ZNF510: variants seen among roughly 807,000 people sequenced by gnomAD.
The protein encoded by ZNF510 is zinc finger protein 510.
Under a neutral mutation model 18.1 loss-of-function variants are expected in ZNF510, and 15 were observed. That is an observed-to-expected ratio of 0.83 (90% CI 0.55 to 1.28). ZNF510 has a LOEUF of 1.28. Among genes scored for constraint, ZNF510 ranks in the 50% most tolerant of loss-of-function variants. ZNF510 has a pLI of 0.00. For missense variants in ZNF510, 724 were observed against 791.8 expected, an observed-to-expected ratio of 0.91 and a Z score of 1.03; for synonymous variants, 261 against 266.4, an observed-to-expected ratio of 0.98 and a Z score of 0.20.
intron 3 of ZNF510, among the ~76,000 whole-genome samples, chr9:96,765,196 A>C (rs980981269): frequency 4.6e-5 from 7 of 152,218 alleles, no homozygotes; most frequent in Non-Finnish European, 8.8e-5. Context: ...AGATACAACA[A>C]ATCAAAATTG....
In ZNF510 at chr9:96,759,549, T is replaced by C. The variant is rs775729306; in HGVS notation, c.1281A>G (p.Thr427=). Residue 427 remains threonine (T), a synonymous_variant, in exon 6 of 6, where the codon ACA becomes ACG. Transcript: ENST00000223428. ...GHLIQHQRTH[T]GEKPFECSEC... Reference sequence around the variant, plus strand: ...CACTACATTCAAATGGTTTCTCTCCTGTGTGAGTTCTCTGATGTTGAATGA... The same window carrying C: ...CACTACATTCAAATGGTTTCTCTCCCGTGTGAGTTCTCTGATGTTGAATGA... The C allele has an allele frequency of 5.0e-6, 8 of 1,614,060 alleles. No individual in the cohort carries two copies. In the East Asian group the frequency reaches 1.6e-4, roughly 31 times the overall value.
At chr9:96,764,173 CTTTT>C (rs796803196) in intron 3 of ZNF510, among the ~76,000 whole-genome samples, 2 of 143,188 alleles carry the variant, frequency 1.4e-5, no homozygotes, top group Non-Finnish European at 3.0e-5. Flanking sequence ...ATTACTAAAA[CTTTT>C]TTTTTATTCT....
In ZNF510 at chr9:96,759,227, G is replaced by C. The variant is rs1421167209; in HGVS notation, c.1603C>G (p.Gln535Glu). ...FGQKSNLRIHQRTHTGEKTYQ... is the reference protein window; with the variant it reads ...FGQKSNLRIHERTHTGEKTYQ... ...GTTTTCTCCCCAGTGTGAGTTCTCT[G>C]ATGTATTCTGAGGTTTGACTTCTGG... Residue 535 changes from glutamine (Q) to glutamate (E), a missense_variant, in exon 6 of 6, where the codon CAG becomes GAG. Transcript: ENST00000223428. 1 of 1,613,882 alleles carries C rather than the reference G, an allele frequency of 6.2e-7. No homozygotes were observed. Among genetic ancestry groups the C allele is most frequent in the Non-Finnish European group, 8.5e-7 (1 of 1,179,986 alleles).
intron 5 of ZNF510, among the ~76,000 whole-genome samples, chr9:96,762,311 C>G (rs1159564143): frequency 6.6e-6 from 1 of 151,162 alleles, no homozygotes; most frequent in Non-Finnish European, 1.5e-5. Context: ...AGATCAAGAC[C>G]ATCCTGGCTA....
chr9:96,758,878 C>T lies in ZNF510; in HGVS notation c.1952G>A (p.Ser651Asn). The T allele has an allele frequency of 1.2e-6, 2 of 1,614,088 alleles. No homozygotes were observed. Among genetic ancestry groups the T allele is most frequent in the Non-Finnish European group, 1.7e-6 (2 of 1,179,974 alleles). Residue 651 changes from serine (S) to asparagine (N), a missense_variant, in exon 6 of 6, where the codon AGT (serine) becomes AAT (asparagine). Ser to Asn is a conservative substitution (Grantham distance 46, BLOSUM62 1). Coordinates refer to ENST00000223428, the MANE Select transcript of ZNF510 (RefSeq NM_014930.3). ...ATTGCATTCATAAGATTTCTCCCCACTGTGAGTCCTTTGATGTATTCTGAG... is the reference window on the plus strand; with the variant it reads ...ATTGCATTCATAAGATTTCTCCCCATTGTGAGTCCTTTGATGTATTCTGAG... ...SNLRIHQRTHSGEKSYECNEY... is the reference protein window; with the variant it reads ...SNLRIHQRTHNGEKSYECNEY...
In ZNF510 at chr9:96,759,452, A is replaced by G; in HGVS notation, c.1378T>C (p.Tyr460His). 1.2e-6 allele frequency: 2 copies of G among 1,614,106 alleles called. No individual in the cohort carries two copies. Among genetic ancestry groups the G allele is most frequent in the Non-Finnish European group, 1.7e-6 (2 of 1,179,990 alleles). ...GTTTTTCCACATTCATTACATTTAT[A>G]GGGTTTTTCTGCTGTATGAATTCTC... ...HQRIHTAEKP[Y>H]KCNECGKTFV... is the part of the protein sequence containing the mutation. The change falls in exon 6 of 6, where the codon TAT (tyrosine) becomes CAT (histidine). Residue 460 changes from tyrosine to histidine, a missense_variant. Physicochemically the swap from Tyr to His is moderately conservative, Grantham distance 83. Coordinates refer to ENST00000223428, the MANE Select transcript of ZNF510 (RefSeq NM_014930.3).
intron 2 of ZNF510, among the ~76,000 whole-genome samples, chr9:96,775,467 TTAA>T (rs1397136680): frequency 6.6e-6 from 1 of 152,184 alleles, no homozygotes; most frequent in Non-Finnish European, 1.5e-5. Context: ...TAATATTCTG[TTAA>T]TATTATTTAC....
In ZNF510 at chr9:96,767,507, CCTAATTGTATACTTTAAGGAA is replaced by C. The variant is rs1266115750; in HGVS notation, c.130-3896_130-3876del. Reference sequence around the variant, plus strand: ...ATTAAAAATGATCCCAAATCAGTATCCTAATTGTATACTTTAAGGAACTAAATGAGGTGGGGACCTTACTAC... The same window carrying C: ...ATTAAAAATGATCCCAAATCAGTATCCTAAATGAGGTGGGGACCTTACTAC... On this transcript the variant is annotated intron_variant, in intron 3 of 5. Coordinates refer to ENST00000223428, the MANE Select transcript of ZNF510 (RefSeq NM_014930.3). Among the ~76,000 whole-genome samples the C allele has an allele frequency of 7.7e-4, 117 of 152,142 alleles. 1 individual carries two copies. Among genetic ancestry groups the C allele is most frequent in the African/African-American group, 2.8e-3 (117 of 41,500 alleles).
Position 96,777,736 on chromosome 9 carries a change from A to G in ZNF510, c.-177+298T>C, listed in dbSNP as rs534018922. On this transcript the variant is annotated intron_variant, in intron 1 of 5. Transcript: ENST00000223428. The stretch of plus-strand genomic sequence containing the variant: ...GCTTTGTGGCAGGTTCATGGTCAAT[A>G]CAATAAACGCGCATTCCCCTCCTGA... 4 of 152,192 alleles carry G rather than the reference A, an allele frequency of 2.6e-5. No individual in the cohort carries two copies. The South Asian group carries it at 8.3e-4, about 32-fold the overall frequency. The allele number at this position is 152,192 out of a possible 1,614,324, so 9.4% of individuals were successfully genotyped here.
intron 3 of ZNF510, among the ~76,000 whole-genome samples, chr9:96,771,107 A>G (rs555298791): frequency 1.5e-4 from 23 of 152,332 alleles, no homozygotes; most frequent in African/African-American, 5.3e-4. Flanking sequence ...AGAACACAAA[A>G]TGAATAACTG....
rs1849172811 is a variant in ZNF510 at position 96,755,474 on chromosome 9, T to C, written c.*3304A>G. 6.6e-6 allele frequency among the ~76,000 whole-genome samples: 1 copy of C among 152,174 alleles called. No homozygotes were observed. The highest frequency in any genetic ancestry group is 2.1e-4 in the South Asian group (1 of 4,814). On this transcript the variant is annotated 3_prime_UTR_variant, in exon 6 of 6. Coordinates refer to ENST00000223428, the MANE Select transcript of ZNF510 (RefSeq NM_014930.3). ...CTTCTCTCCAGGGGTAACCTTATGC[T>C]CTCCTATTGTCAATGCATTTTCTTG...
Position 96,758,815 on chromosome 9 carries a change from A to G in ZNF510, c.2015T>C (p.Leu672Ser). 3 of 1,599,596 alleles carry G rather than the reference A, an allele frequency of 1.9e-6. No individual in the cohort carries two copies. Among genetic ancestry groups the G allele is most frequent in the Non-Finnish European group, 2.6e-6 (3 of 1,172,180 alleles). ...GKLCKKSTLS[L>S]YQKIQGEGNP... ...CCCCTCTCCCTGAATTTTCTGGTAT[A>G]AGCTTAGGGTAGACTTCTTACATAA... is the stretch of plus-strand genomic sequence containing the variant. Residue 672 changes from leucine (L) to serine (S), a missense_variant, in exon 6 of 6, where the codon TTA (leucine) becomes TCA (serine). By Grantham distance (145) the Leu-to-Ser change is moderately radical. Coordinates refer to ENST00000223428, the MANE Select transcript of ZNF510 (RefSeq NM_014930.3).
At position 96,776,077 on chromosome 9, in the gene ZNF510, T is replaced by G. The variant is rs576481610; in HGVS notation, c.-8A>C. 2 of 1,594,696 alleles carry G rather than the reference T, an allele frequency of 1.3e-6. No homozygotes were observed. Among genetic ancestry groups the G allele is most frequent in the Non-Finnish European group, 1.7e-6 (2 of 1,169,228 alleles). Reference sequence around the variant, plus strand: ...TTCTGGATGTGGCGACATCACCAAGTCTGGTGCTCTCTGGGCAAGGGGATG... The same window carrying G: ...TTCTGGATGTGGCGACATCACCAAGGCTGGTGCTCTCTGGGCAAGGGGATG... On this transcript the variant is annotated 5_prime_UTR_variant, in exon 2 of 6. Transcript: ENST00000223428.
intron 2 of ZNF510, among the ~76,000 whole-genome samples, chr9:96,775,385 G>A (rs1849674158): frequency 6.6e-6 from 1 of 152,056 alleles, no homozygotes. Context: ...TCAGGCGATT[G>A]TAGACTATTT....
chr9:96,754,712 A>G lies in ZNF510; in HGVS notation c.*4066T>C, dbSNP rs1393198862. On this transcript the variant is annotated 3_prime_UTR_variant, in exon 6 of 6. Transcript: ENST00000223428. ...AGCAATATTTTACCTATTTATAATA[A>G]TCACCCAAAAGATAACTTGGAACAT... Among the ~76,000 whole-genome samples the G allele has an allele frequency of 6.6e-6, 1 of 152,190 alleles. No homozygotes were observed. The highest frequency in any genetic ancestry group is 1.5e-5 in the Non-Finnish European group (1 of 68,038).
chr9:96,771,453 A>G (rs544573792), intron 3 of ZNF510, among the ~76,000 whole-genome samples: 6 of 151,602 alleles, frequency 4.0e-5, no homozygotes, highest in Admixed American at 3.9e-4. Context: ...AAACTCAGGA[A>G]ACTAAAAATA....
In ZNF510 at chr9:96,756,771, CCAA is replaced by C; in HGVS notation, c.*2004_*2006del. 1 of 152,368 alleles carries C rather than the reference CCAA, an allele frequency of 6.6e-6. No homozygotes were observed. The highest frequency in any genetic ancestry group is 2.1e-4 in the South Asian group (1 of 4,830). The allele number at this position is 152,368 out of a possible 1,614,324, so 9.4% of individuals were successfully genotyped here. On this transcript the variant is annotated 3_prime_UTR_variant, in exon 6 of 6. Coordinates refer to ENST00000223428, the MANE Select transcript of ZNF510 (RefSeq NM_014930.3). ...AAGTCAATCCCCTGGCCCCCAGCTC[CCAA>C]GGGCTGCCCCCTTTTGCCAGAAGTT...
At position 96,754,907 on chromosome 9, in the gene ZNF510, G is replaced by A. The variant is rs963039023; in HGVS notation, c.*3871C>T. 2.2e-4 allele frequency among the ~76,000 whole-genome samples: 33 copies of A among 152,276 alleles called. No homozygotes were observed. The highest frequency in any genetic ancestry group is 6.7e-4 in the African/African-American group (28 of 41,552). On this transcript the variant is annotated 3_prime_UTR_variant, in exon 6 of 6. Transcript: ENST00000223428. ...TTTATTAGCTTGAAGGCCCTTAGTGGGTGGGCAGACAGAAAATCAGCTCCT... is the reference window on the plus strand; with the variant it reads ...TTTATTAGCTTGAAGGCCCTTAGTGAGTGGGCAGACAGAAAATCAGCTCCT...
At chr9:96,771,150 G>T (rs1368115174) in intron 3 of ZNF510, among the ~76,000 whole-genome samples, 1 of 152,140 alleles carries the variant, frequency 6.6e-6, no homozygotes, top group East Asian at 1.9e-4. Context: ...ATATAATGTT[G>T]ACGCCAAAAC....
Sources: allele counts gnomAD v4.1 joint callset (sites outside exome capture counted in the v4.1 genomes callset), GRCh38; gene constraint gnomAD v4.1.1; transcripts MANE v1.5; gene names NCBI Gene and HGNC (gene_info 2026-07-23, HGNC 2026-07-21).